Variants in GPC4 observed in about 807,000 individuals in gnomAD.
The protein encoded by GPC4 is glypican 4.
Under a neutral mutation model 35.0 loss-of-function variants are expected in GPC4, and 10 were observed. The ratio of observed to expected loss-of-function variants is 0.29; its 90% CI spans 0.18 to 0.48. The LOEUF (loss-of-function observed/expected upper bound fraction) is 0.48, where lower values mean the gene tolerates loss of function less well. Ranked by LOEUF, GPC4 falls within the 20% of genes least tolerant of loss-of-function variation. The pLI is 0.99. For synonymous variants in GPC4, 167 were observed against 170.2 expected (o/e 0.98, Z 0.15); for missense variants, 322 against 451.3 (o/e 0.71, Z 2.60).
intron 2 of GPC4, among the ~76,000 whole-genome samples, chrX:133,325,291 A>T (rs2124121571): frequency 9.1e-6 from 1 of 110,089 alleles, no homozygotes; most frequent in South Asian, 4.0e-4. Context: ...TGTGTGTGAG[A>T]GAGAGAGACA....
intron 1 of GPC4, among the ~76,000 whole-genome samples, chrX:133,378,222 T>C (rs1012784236): frequency 2.7e-5 from 3 of 111,332 alleles, no homozygotes; most frequent in African/African-American, 9.8e-5. Context: ...AGTTGAACCA[T>C]CTCTTCAGCC....
In GPC4 at chrX:133,382,881, G is replaced by A. The variant is rs187236986; in HGVS notation, c.160+31925C>T. Among the ~76,000 whole-genome samples, 40 of 112,698 alleles carry A rather than the reference G, an allele frequency of 3.5e-4. No homozygotes were observed. The East Asian group carries it at 9.8e-3, about 28-fold the overall frequency. ...GAATTGCAAATGAAAACAACAGTGA[G>A]GCATGTAATGGTATCTCACAACTCC... On this transcript the variant is annotated intron_variant, in intron 1 of 8. Coordinates refer to ENST00000370828, the MANE Select transcript of GPC4 (RefSeq NM_001448.3).
chrX:133,414,109 C>A (rs1326471653), intron 1 of GPC4, among the ~76,000 whole-genome samples: 1 of 111,086 alleles, frequency 9.0e-6, no homozygotes, highest in Non-Finnish European at 1.9e-5. Context: ...TGGTCTGATA[C>A]CTTCCGGAAA....
chrX:133,412,643 C>T (rs2068817796), intron 1 of GPC4, among the ~76,000 whole-genome samples: 2 of 111,696 alleles, frequency 1.8e-5, no homozygotes, highest in African/African-American at 3.3e-5. Context: ...GCTTCCATTT[C>T]CTGCTGCTGG....
intron 1 of GPC4, among the ~76,000 whole-genome samples, chrX:133,388,445 A>T (rs940788800): frequency 1.8e-5 from 2 of 112,270 alleles, no homozygotes; most frequent in Non-Finnish European, 3.8e-5. Context: ...TATGTAAGGC[A>T]TGATAGGGGA....
chrX:133,324,111 C>A, intron 3 of GPC4, 34 bp downstream of exon 3: 1 of 1,144,880 alleles, frequency 8.7e-7, no homozygotes, highest in Non-Finnish European at 1.2e-6. Context: ...GAAAACAAAA[C>A]AAAAACAAAA....
At chrX:133,402,045 G>T (rs952695483) in intron 1 of GPC4, among the ~76,000 whole-genome samples, 1 of 112,230 alleles carries the variant, frequency 8.9e-6, no homozygotes. Context: ...ACTATAAATT[G>T]TAAGGAATGT....
At chrX:133,318,045 A>C (rs1219490518) in intron 3 of GPC4, among the ~76,000 whole-genome samples, 1 of 111,757 alleles carries the variant, frequency 8.9e-6, no homozygotes, top group African/African-American at 3.3e-5. Flanking sequence ...TAACACTTAT[A>C]AGTCAACCCC....
intron 3 of GPC4, among the ~76,000 whole-genome samples, chrX:133,314,913 C>T (rs892397756): frequency 7.2e-5 from 8 of 111,139 alleles, no homozygotes; most frequent in Non-Finnish European, 1.3e-4. Flanking sequence ...CCTTGTCGAC[C>T]TGCCCAGGCT....
chrX:133,406,990 C>T (rs769117056), intron 1 of GPC4, among the ~76,000 whole-genome samples: 10 of 107,528 alleles, frequency 9.3e-5, no homozygotes, highest in East Asian at 3.0e-4. Context: ...GCAGAAGGAT[C>T]GCTTGAACCC....
chrX:133,361,481 G>C (rs112469326), intron 1 of GPC4, among the ~76,000 whole-genome samples: 2,128 of 110,693 alleles, frequency 0.019, 52 homozygotes, highest in African/African-American at 0.066. Context: ...TGGGAAGAGA[G>C]ATTCTGCTAA....
At chrX:133,315,896 G>A (rs1465198486) in intron 3 of GPC4, among the ~76,000 whole-genome samples, 1 of 111,082 alleles carries the variant, frequency 9.0e-6, no homozygotes, top group Non-Finnish European at 1.9e-5. Flanking sequence ...TACTTTTTAC[G>A]AAAGTCACAT....
intron 2 of GPC4, among the ~76,000 whole-genome samples, chrX:133,338,827 T>C (rs781105172): frequency 1.5e-4 from 17 of 112,090 alleles, no homozygotes; most frequent in African/African-American, 5.5e-4. Flanking sequence ...ATTCTCTTTA[T>C]TTTGACTAAG....
Position 133,414,945 on chromosome X carries a change from G to T in GPC4, c.21C>A (p.Pro7=), listed in dbSNP as rs758144380. ...GCACTGCCAGGGTGCAGAGAAGCGC[G>T]GGCAAGCCGAACCGTGCCATGGTGC... MARFGL[P]ALLCTLAVLS... is the part of the protein sequence containing the mutation. Residue 7 remains proline (P), a synonymous_variant, in exon 1 of 9, where the codon CCC becomes CCA. Transcript: ENST00000370828. 8.3e-7 allele frequency: 1 copy of T among 1,210,512 alleles called. No homozygotes were observed. The highest frequency in any genetic ancestry group is 2.2e-5 in the Admixed American group (1 of 46,071).
chrX:133,402,368 G>C (rs1490220678), intron 1 of GPC4, among the ~76,000 whole-genome samples: 1 of 112,365 alleles, frequency 8.9e-6, no homozygotes, highest in Non-Finnish European at 1.9e-5. Context: ...CAGTCCAAAA[G>C]AAACCACTTC....
chrX:133,370,807 G>C (rs1311674380), intron 1 of GPC4, among the ~76,000 whole-genome samples: 4 of 111,667 alleles, frequency 3.6e-5, no homozygotes, highest in Non-Finnish European at 7.5e-5. Flanking sequence ...CTAACCAAAA[G>C]AGATGTCCTT....
intron 1 of GPC4, among the ~76,000 whole-genome samples, chrX:133,403,154 G>A (rs947101646): frequency 2.7e-5 from 3 of 111,746 alleles, no homozygotes; most frequent in Non-Finnish European, 5.6e-5. Flanking sequence ...AGGACTGAAT[G>A]TATGCAAAAG....
intron 1 of GPC4, among the ~76,000 whole-genome samples, chrX:133,340,748 T>C (rs925779814): frequency 8.9e-6 from 1 of 111,970 alleles, no homozygotes; most frequent in African/African-American, 3.2e-5. Flanking sequence ...TAACACTAGA[T>C]TGTCAACTGC....
At chrX:133,376,728 GAGCT>G (rs752334355) in intron 1 of GPC4, among the ~76,000 whole-genome samples, 30 of 112,120 alleles carry the variant, frequency 2.7e-4, no homozygotes, top group Non-Finnish European at 5.3e-4. Context: ...TTGCACTTGT[GAGCT>G]GGTTCTCTGG....
Sources: gnomAD v4.1 joint callset for allele counts (sites outside exome capture counted in the v4.1 genomes callset) on GRCh38, gnomAD v4.1.1 for gene constraint, MANE v1.5 for transcripts, NCBI Gene and HGNC (gene_info 2026-07-23, HGNC 2026-07-21) for gene names.